The following HFM1 variants were observed in gnomAD, a reference collection of about 807,000 sequenced individuals.
The protein encoded by HFM1 is helicase for meiosis 1.
In HFM1, 169 loss-of-function variants were observed where a neutral mutation model predicts 192.1. The observed-to-expected ratio is 0.88, with a 90% CI of 0.78 to 1.00. The LOEUF is 1.00. Ranked by LOEUF, HFM1 falls within the 50% of genes least tolerant of loss-of-function variation. The pLI is 0.00. For synonymous variants in HFM1, 525 were observed against 537.8 expected, an observed-to-expected ratio of 0.98 and a Z score of 0.33; for missense variants, 1,661 against 1,668.0, an observed-to-expected ratio of 1.00 and a Z score of 0.07.
chr1:91,363,259 G>A (rs1323133462), intron 13 of HFM1, among the ~76,000 whole-genome samples: 1 of 151,774 alleles, frequency 6.6e-6, no homozygotes, highest in Non-Finnish European at 1.5e-5. Context: ...CACAGAATAG[G>A]AGAAAATTTC....
chr1:91,379,822 T>C (rs867486154), intron 8 of HFM1, among the ~76,000 whole-genome samples: 2 of 152,144 alleles, frequency 1.3e-5, no homozygotes, highest in Non-Finnish European at 2.9e-5. Context: ...AAAGTTCCTA[T>C]GCAAATTTCT....
chr1:91,341,077 C>T (rs1489445027), intron 20 of HFM1, among the ~76,000 whole-genome samples: 1 of 152,132 alleles, frequency 6.6e-6, no homozygotes, highest in Non-Finnish European at 1.5e-5. Flanking sequence ...AAACTTGACA[C>T]TTGACCAAAT....
intron 13 of HFM1, among the ~76,000 whole-genome samples, chr1:91,369,084 C>T (rs1430126626): frequency 1.3e-5 from 2 of 152,124 alleles, no homozygotes; most frequent in African/African-American, 4.8e-5. Flanking sequence ...TACAGGAGCA[C>T]CCAGATTCAT....
intron 2 of HFM1, among the ~76,000 whole-genome samples, chr1:91,398,553 G>C (rs996211056): frequency 1.3e-5 from 2 of 152,086 alleles, no homozygotes; most frequent in Admixed American, 1.3e-4. Flanking sequence ...TTCTTCAATG[G>C]CTTTCAAAGA....
chr1:91,275,208 C>T (rs1308631524), intron 32 of HFM1, among the ~76,000 whole-genome samples: 1 of 152,116 alleles, frequency 6.6e-6, no homozygotes, highest in Non-Finnish European at 1.5e-5. Flanking sequence ...TGGTCTCGAA[C>T]TCCTGACCTT....
intron 30 of HFM1, among the ~76,000 whole-genome samples, chr1:91,287,617 T>C (rs907196599): frequency 1.5e-4 from 23 of 152,292 alleles, no homozygotes; most frequent in Middle Eastern, 3.4e-3. Flanking sequence ...TCTCCTCCTC[T>C]AAAGGAACGC....
chr1:91,386,443 T>C (rs767313291), intron 4 of HFM1, among the ~76,000 whole-genome samples: 12 of 152,182 alleles, frequency 7.9e-5, no homozygotes, highest in Non-Finnish European at 1.6e-4. Context: ...GTGGCCTTCT[T>C]GTGAGAGGCC....
At chr1:91,283,517 T>A (rs1296812121) in intron 30 of HFM1, among the ~76,000 whole-genome samples, 1 of 152,166 alleles carries the variant, frequency 6.6e-6, no homozygotes, top group East Asian at 1.9e-4. Context: ...CCTCCCAAAG[T>A]GCTGAGACTA....
intron 13 of HFM1, among the ~76,000 whole-genome samples, chr1:91,360,082 G>A (rs192564830): frequency 1.3e-5 from 2 of 152,254 alleles, no homozygotes; most frequent in Non-Finnish European, 2.9e-5. Flanking sequence ...GAGGGAAGTC[G>A]CCAGGCCTGC....
intron 20 of HFM1, among the ~76,000 whole-genome samples, chr1:91,339,916 T>C (rs1004394582): frequency 6.6e-6 from 1 of 152,142 alleles, no homozygotes; most frequent in Non-Finnish European, 1.5e-5. Flanking sequence ...AAGGTATATG[T>C]TACCTACAAA....
At chr1:91,373,676 A>G (rs918540538) in intron 13 of HFM1, among the ~76,000 whole-genome samples, 2 of 151,846 alleles carry the variant, frequency 1.3e-5, no homozygotes, top group African/African-American at 4.8e-5. Flanking sequence ...TGCTCTCACC[A>G]TGTGATACAC....
chr1:91,375,509 G>A lies in HFM1; in HGVS notation c.1596+18C>T. 6.2e-7 allele frequency: 1 copy of A among 1,610,650 alleles called. No homozygotes were observed. The highest frequency in any genetic ancestry group is 8.5e-7 in the Non-Finnish European group (1 of 1,177,246). On this transcript the variant is annotated intron_variant, in intron 12 of 38. Transcript: ENST00000370425. ...AAAAACTGAATATACTAAAAAATAA[G>A]CTATCAACAATCCATACCACAAGTG...
At chr1:91,272,995 T>C (rs1666461134) in intron 34 of HFM1, among the ~76,000 whole-genome samples, 1 of 152,104 alleles carries the variant, frequency 6.6e-6, no homozygotes, top group Non-Finnish European at 1.5e-5. Flanking sequence ...ATGGATAGGA[T>C]TGTCTCATGT....
In HFM1 at chr1:91,289,843, G is replaced by C. The variant is rs536367429; in HGVS notation, c.3392-12781C>G. Among the ~76,000 whole-genome samples, 522 of 152,316 alleles carry C rather than the reference G, an allele frequency of 3.4e-3. 1 individual carries two copies. The highest frequency in any genetic ancestry group is 6.1e-3 in the Non-Finnish European group (413 of 68,026). On this transcript the variant is annotated intron_variant, in intron 30 of 38. Coordinates refer to ENST00000370425, the MANE Select transcript of HFM1 (RefSeq NM_001017975.6). ...CAGCCTCAGCTCAGCATCAGAGGGA[G>C]ACCGTGCAAAGAGGGAGAGGGAGAC...
chr1:91,273,950 G>A (rs1004586325), intron 33 of HFM1, 135 bp from the exon 34 acceptor site: 13 of 558,932 alleles, frequency 2.3e-5, no homozygotes, highest in Non-Finnish European at 6.2e-6. Context: ...ACCCAGGCTG[G>A]GTAGCAAATA....
rs117071921 is a variant in HFM1 at position 91,303,173 on chromosome 1, C to G, written c.3391+10176G>C. On this transcript the variant is annotated intron_variant, in intron 30 of 38. Transcript: ENST00000370425. ...CACCATATAACTATTATTAGTCATT[C>G]CTCATTTATTCCTGCCCTCAACCCC... is the stretch of plus-strand genomic sequence containing the variant. Among the ~76,000 whole-genome samples the G allele has an allele frequency of 4.3e-3, 655 of 152,246 alleles. 37 individuals carry two copies. In the East Asian group the frequency reaches 0.092, roughly 21 times the overall value.
chr1:91,352,468 T>A, intron 16 of HFM1, 38 bp downstream of exon 16: 1 of 1,492,264 alleles, frequency 6.7e-7, no homozygotes, highest in Non-Finnish European at 9.0e-7. Flanking sequence ...GTTTTTATCA[T>A]GTTTTTAAGT....
intron 30 of HFM1, among the ~76,000 whole-genome samples, chr1:91,310,160 GATA>G (rs961479430): frequency 1.5e-4 from 23 of 152,040 alleles, no homozygotes; most frequent in African/African-American, 2.7e-4. Flanking sequence ...CTTAATATTG[GATA>G]ATATTAGTTT....
chr1:91,288,030 C>T (rs1352971046), intron 30 of HFM1, among the ~76,000 whole-genome samples: 2 of 151,900 alleles, frequency 1.3e-5, no homozygotes, highest in African/African-American at 2.4e-5. Context: ...ACCAAATCTA[C>T]GTCTGATTGG....
Sources: allele counts gnomAD v4.1 joint callset (sites outside exome capture counted in the v4.1 genomes callset), GRCh38; gene constraint gnomAD v4.1.1; transcripts MANE v1.5; gene names NCBI Gene and HGNC (gene_info 2026-07-23, HGNC 2026-07-21).